CELSR1: variants seen among roughly 807,000 people sequenced by gnomAD.
CELSR1 encodes the protein adhesion G protein-coupled receptor C1.
In CELSR1, 110 loss-of-function variants were observed where a neutral mutation model predicts 249.1. The ratio of observed to expected loss-of-function variants is 0.44; its 90% CI spans 0.38 to 0.52. CELSR1 has a LOEUF of 0.52. CELSR1 is among the 20% of genes least tolerant of loss of function. The pLI is 0.00. For synonymous variants in CELSR1, 2,113 were observed against 1,900.0 expected (o/e 1.11, Z -2.92); for missense variants, 4,109 against 4,296.4 (o/e 0.96, Z 1.22).
rs547364572 is a variant in CELSR1, at chr22:46,402,219, C to CTT, written c.5227-2319_5227-2318dup. 7.0e-6 allele frequency among the ~76,000 whole-genome samples: 1 copy of CTT among 143,316 alleles called. No individual in the cohort carries two copies. The highest frequency in any genetic ancestry group is 1.5e-5 in the Non-Finnish European group (1 of 65,062). The allele number at this position is 143,316 out of a possible 152,430, so 94.0% of individuals were successfully genotyped here. On this transcript the variant is annotated intron_variant, in intron 9 of 34. Coordinates refer to ENST00000674500, the MANE Select transcript of CELSR1 (RefSeq NM_001378328.1). The surrounding 1 kb of genome is among the most constrained non-coding windows in gnomAD (Gnocchi z 5.0). ...CATCCCCATTCTAGTTTCTCTTTTT[C>CTT]TTTTTTTTTTTTTTGAGACAGAGTT...
chr22:46,366,628 G>C, intron 29 of CELSR1, 148 bp from the exon 30 acceptor site: 1 of 706,264 alleles, frequency 1.4e-6, no homozygotes, highest in Non-Finnish European at 2.5e-6. Context: ...GCCCCAAGCA[G>C]TCAACCCTCA....
At position 46,407,609 on chromosome 22, in the gene CELSR1, G is replaced by C. The variant is rs940686638; in HGVS notation, c.5226+1387C>G. Among the ~76,000 whole-genome samples the C allele has an allele frequency of 6.6e-6, 1 of 151,906 alleles. No individual in the cohort carries two copies. The highest frequency in any genetic ancestry group is 1.5e-5 in the Non-Finnish European group (1 of 67,984). On this transcript the variant is annotated intron_variant, in intron 9 of 34. Coordinates refer to ENST00000674500, the MANE Select transcript of CELSR1 (RefSeq NM_001378328.1). The surrounding 1 kb of genome is among the most constrained non-coding windows in gnomAD (Gnocchi z 4.8). ...GTTACGCCGTCGCACTCCAGCCTGG[G>C]CAACAAGAGCAAAACTTTATCTCAA...
intron 1 of CELSR1, among the ~76,000 whole-genome samples, chr22:46,505,261 C>CAAAAA (rs3081585): frequency 0.41 from 25,411 of 62,302 alleles, 6,865 homozygotes; most frequent in East Asian, 0.67. Flanking sequence ...GACTCTGTCT[C>CAAAAA]AAAAAAAAAA....
In CELSR1 at chr22:46,429,420, C is replaced by T. The variant is rs904941817; in HGVS notation, c.4611+3973G>A. On this transcript the variant is annotated intron_variant, in intron 5 of 34. Coordinates refer to ENST00000674500, the MANE Select transcript of CELSR1 (RefSeq NM_001378328.1). This position sits in a 1 kb window ranked among gnomAD's most constrained non-coding sequence, Gnocchi z 4.1. Reference sequence around the variant, plus strand: ...ATGCTCCACTCGGCCCCAAACCTCCCGGCGTGGCTGTGGGCGTGGGGGCTG... The same window carrying T: ...ATGCTCCACTCGGCCCCAAACCTCCTGGCGTGGCTGTGGGCGTGGGGGCTG... Among the ~76,000 whole-genome samples the T allele has an allele frequency of 7.9e-5, 12 of 152,322 alleles. No homozygotes were observed. The highest frequency in any genetic ancestry group is 3.9e-4 in the East Asian group (2 of 5,180).
chr22:46,417,210 T>C lies in CELSR1; in HGVS notation c.4612-5451A>G, dbSNP rs2079413105. ...TGTGGGCAAGACCCCGTGCCAGTTC[T>C]GGCATGGAGACGACAAGCTCTCCCT... On this transcript the variant is annotated intron_variant, in intron 5 of 34. Transcript: ENST00000674500. This position sits in a 1 kb window ranked among gnomAD's most constrained non-coding sequence, Gnocchi z 4.1. 1.3e-5 allele frequency among the ~76,000 whole-genome samples: 2 copies of C among 152,216 alleles called. No individual in the cohort carries two copies. The highest frequency in any genetic ancestry group is 2.9e-5 in the Non-Finnish European group (2 of 68,036).
chr22:46,377,640 T>A lies in CELSR1; in HGVS notation c.7384-379A>T, dbSNP rs115697520. Reference sequence around the variant, plus strand: ...CACATGTCACCTGGCATCCTGGCCATGAGACAAGCCCCAACCCCGCCCACA... The same window carrying A: ...CACATGTCACCTGGCATCCTGGCCAAGAGACAAGCCCCAACCCCGCCCACA... On this transcript the variant is annotated intron_variant, in intron 23 of 34. Coordinates refer to ENST00000674500, the MANE Select transcript of CELSR1 (RefSeq NM_001378328.1). 5.0e-3 allele frequency: 1,488 copies of A among 298,718 alleles called. 15 individuals are homozygous for A. The highest frequency in any genetic ancestry group is 0.029 in the African/African-American group (1,347 of 46,522). The allele number at this position is 298,718 out of a possible 1,614,324, so 18.5% of individuals were successfully genotyped here.
At chr22:46,511,940 C>T (rs978141291) in intron 1 of CELSR1, among the ~76,000 whole-genome samples, 7 of 152,170 alleles carry the variant, frequency 4.6e-5, no homozygotes, top group East Asian at 3.8e-4. Flanking sequence ...ATCCCCTGCC[C>T]GGATGACATG....
Position 46,381,947 on chromosome 22 carries a change from G to T in CELSR1, c.6987C>A (p.His2329Gln). The T allele has an allele frequency of 6.4e-7, 1 of 1,565,878 alleles. No individual in the cohort carries two copies. Among genetic ancestry groups the T allele is most frequent in the Non-Finnish European group, 8.6e-7 (1 of 1,157,426 alleles). The change falls in exon 21 of 35, where the codon CAC becomes CAA. Residue 2329 changes from histidine (H) to glutamine (Q), a missense_variant. Transcript: ENST00000674500. This position sits in a 1 kb window ranked among gnomAD's most constrained non-coding sequence, Gnocchi z 6.0. ...CGGCGAACTGGCCAGCGTCATCAGG[G>T]TGTCGCCTCCGCCTGCTGATCGGGG... The part of the protein sequence containing the change: ...REAPISRRRR[H>Q]PDDAGQFAVA...
chr22:46,530,551 A>G (rs2080781388), intron 1 of CELSR1: 1 of 152,316 alleles, frequency 6.6e-6, no homozygotes, highest in Admixed American at 6.5e-5. Context: ...AAAAGTTCCT[A>G]TCACAGAATT....
chr22:46,460,022 T>C (rs1602166717), intron 2 of CELSR1, among the ~76,000 whole-genome samples: 3 of 152,036 alleles, frequency 2.0e-5, no homozygotes, highest in African/African-American at 7.2e-5. Context: ...GCCTGGCCAA[T>C]ATAGCGAAAC....
chr22:46,382,917 A>G (rs964137304), intron 20 of CELSR1, among the ~76,000 whole-genome samples: 2 of 152,188 alleles, frequency 1.3e-5, no homozygotes, highest in African/African-American at 4.8e-5. Flanking sequence ...CGTGGGCTAG[A>G]GTTTCAGATC....
At chr22:46,451,333 C>G (rs1278866321) in intron 2 of CELSR1, among the ~76,000 whole-genome samples, 1 of 152,200 alleles carries the variant, frequency 6.6e-6, no homozygotes. Flanking sequence ...CCAGGGCTGG[C>G]CTTCTCTGCG....
At chr22:46,366,232 A>G (rs1341277705) in intron 30 of CELSR1, among the ~76,000 whole-genome samples, 154 bp downstream of exon 30, 4 of 374 alleles carry the variant, frequency 0.011, no homozygotes, top group Admixed American at 0.026. Context: ...GGTGCGGGGC[A>G]GGGAGGGAAG....
Position 46,407,514 on chromosome 22 carries a change from C to T in CELSR1, c.5226+1482G>A, listed in dbSNP as rs1031785192. On this transcript the variant is annotated intron_variant, in intron 9 of 34. Coordinates refer to ENST00000674500, the MANE Select transcript of CELSR1 (RefSeq NM_001378328.1). This position sits in a 1 kb window ranked among gnomAD's most constrained non-coding sequence, Gnocchi z 4.8. ...AGGTGTGGTGGTGAGCTCCTGTAAT[C>T]CCAACTACAATGGAGGCTGAGGCAG... Among the ~76,000 whole-genome samples, 1 of 152,132 alleles carries T rather than the reference C, an allele frequency of 6.6e-6. No individual in the cohort carries two copies. Among genetic ancestry groups the T allele is most frequent in the Admixed American group, 6.5e-5 (1 of 15,274 alleles).
intron 1 of CELSR1, among the ~76,000 whole-genome samples, chr22:46,478,975 G>A (rs2080239171): frequency 6.6e-6 from 1 of 151,846 alleles, no homozygotes; most frequent in African/African-American, 2.4e-5. Flanking sequence ...GGAACGACCA[G>A]GGCCAGTCTG....
chr22:46,413,814 G>A lies in CELSR1; in HGVS notation c.4612-2055C>T, dbSNP rs903762445. ...CGCGTGGAAGTGCCCATTATGGGACGCTTAAATGTGAGATGCGATCCCAGG... is the reference window on the plus strand; with the variant it reads ...CGCGTGGAAGTGCCCATTATGGGACACTTAAATGTGAGATGCGATCCCAGG... On this transcript the variant is annotated intron_variant, in intron 5 of 34. Transcript: ENST00000674500. This position sits in a 1 kb window ranked among gnomAD's most constrained non-coding sequence, Gnocchi z 4.7. Among the ~76,000 whole-genome samples, 1 of 152,198 alleles carries A rather than the reference G, an allele frequency of 6.6e-6. No individual in the cohort carries two copies. The highest frequency in any genetic ancestry group is 2.4e-5 in the African/African-American group (1 of 41,450).
At chr22:46,493,963 T>G (rs1292787598) in intron 1 of CELSR1, among the ~76,000 whole-genome samples, 1 of 152,142 alleles carries the variant, frequency 6.6e-6, no homozygotes, top group African/African-American at 2.4e-5. Flanking sequence ...CCGAGTAAGA[T>G]GAGATTGTAC....
Position 46,490,027 on chromosome 22 carries a change from T to C in CELSR1, c.3545-25682A>G, listed in dbSNP as rs1015211794. 6.6e-6 allele frequency among the ~76,000 whole-genome samples: 1 copy of C among 152,158 alleles called. No individual in the cohort carries two copies. The highest frequency in any genetic ancestry group is 1.5e-5 in the Non-Finnish European group (1 of 68,024). ...TCCTGGCCATCTCAGCATCCGCCCC[T>C]GCAGTGGGAACACCTAACGTGGCCA... On this transcript the variant is annotated intron_variant, in intron 1 of 34. Coordinates refer to ENST00000674500, the MANE Select transcript of CELSR1 (RefSeq NM_001378328.1). The surrounding 1 kb of genome is among the most constrained non-coding windows in gnomAD (Gnocchi z 5.2).
chr22:46,462,758 G>A (rs2080046002), intron 2 of CELSR1: 4 of 293,432 alleles, frequency 1.4e-5, no homozygotes, highest in Admixed American at 5.5e-5. Flanking sequence ...CAAGATGTGC[G>A]CTGAGATGCA....
Sources: allele counts gnomAD v4.1 joint callset (sites outside exome capture counted in the v4.1 genomes callset), GRCh38; gene constraint gnomAD v4.1.1; non-coding constraint Gnocchi (gnomAD v3.1); transcripts MANE v1.5; gene names NCBI Gene and HGNC (gene_info 2026-07-23, HGNC 2026-07-21).